The following GHR variants were observed in gnomAD, a reference collection of about 807,000 sequenced individuals.
The protein encoded by GHR is growth hormone receptor.
A neutral mutation model predicts 67.1 loss-of-function variants in GHR; 35 were observed. That is an observed-to-expected ratio of 0.52 (90% CI 0.40 to 0.69). The LOEUF (loss-of-function observed/expected upper bound fraction) is 0.69, where lower values mean the gene tolerates loss of function less well. Ranked by LOEUF, GHR falls within the 30% of genes least tolerant of loss-of-function variation. The pLI is 0.00. For synonymous variants in GHR, 272 were observed against 269.1 expected (o/e 1.01, Z -0.10); for missense variants, 792 against 764.6 (o/e 1.04, Z -0.42).
At chr5:42,550,637 T>C (rs1748978642) in intron 1 of GHR, among the ~76,000 whole-genome samples, 1 of 152,206 alleles carries the variant, frequency 6.6e-6, no homozygotes, top group African/African-American at 2.4e-5. Flanking sequence ...TTTTCCTTTT[T>C]ATCCTCTTGA....
At position 42,719,417 on chromosome 5, in the gene GHR, T is replaced by C; in HGVS notation, c.1910T>C (p.Met637Thr). 1 of 1,612,810 alleles carries C rather than the reference T, an allele frequency of 6.2e-7. No individual in the cohort carries two copies. Among genetic ancestry groups the C allele is most frequent in the Non-Finnish European group, 8.5e-7 (1 of 1,179,908 alleles). The change falls in exon 10 of 10, where the codon ATG (methionine) becomes ACG (threonine). Residue 637 changes from methionine to threonine, a missense_variant. By Grantham distance (81) the Met-to-Thr change is moderately conservative. Transcript: ENST00000230882. ...YVSTDQLNKI[M>T]P is the part of the protein sequence containing the mutation. ...AGCACAGACCAACTGAACAAAATCA[T>C]GCCTTAGCCTTTCTTTGGTTTCCCA...
chr5:42,425,048 G>A (rs1489228412), intron 1 of GHR: 2 of 982,124 alleles, frequency 2.0e-6, no homozygotes, highest in Non-Finnish European at 2.4e-6. Flanking sequence ...GGTAACGGAA[G>A]GCCAAAGTGT....
At chr5:42,603,636 C>T (rs1752486550) in intron 2 of GHR, among the ~76,000 whole-genome samples, 1 of 151,996 alleles carries the variant, frequency 6.6e-6, no homozygotes, top group Non-Finnish European at 1.5e-5. Context: ...TCTTGAATAC[C>T]TTCTGAGTAA....
chr5:42,666,240 AT>A lies in GHR; in HGVS notation c.137-22644del, dbSNP rs1561211249. ...ATGCAAGCTACATATGCCATTTTAA[AT>A]TTTTTAGTAGTTACATTTAAAAAGA... On this transcript the variant is annotated intron_variant, in intron 3 of 9. Coordinates refer to ENST00000230882, the MANE Select transcript of GHR (RefSeq NM_000163.5). Among the ~76,000 whole-genome samples the A allele has an allele frequency of 5.3e-5, 8 of 151,380 alleles. No individual in the cohort carries two copies. In the South Asian group the frequency reaches 1.7e-3, roughly 31 times the overall value.
chr5:42,524,336 C>A (rs1451296519), intron 1 of GHR, among the ~76,000 whole-genome samples: 1 of 152,096 alleles, frequency 6.6e-6, no homozygotes, highest in Admixed American at 6.5e-5. Context: ...AAATATGACT[C>A]TTGTTATGTT....
At chr5:42,494,514 GAC>G (rs1746242228) in intron 1 of GHR, among the ~76,000 whole-genome samples, 3 of 152,064 alleles carry the variant, frequency 2.0e-5, no homozygotes, top group African/African-American at 7.2e-5. Context: ...GTATCCAGAA[GAC>G]ACACCATCTA....
chr5:42,460,961 T>C (rs1000500435), intron 1 of GHR, among the ~76,000 whole-genome samples: 1 of 152,176 alleles, frequency 6.6e-6, no homozygotes, highest in Non-Finnish European at 1.5e-5. Context: ...CCCAAAGGTA[T>C]CTTAGAGTCC....
intron 2 of GHR, among the ~76,000 whole-genome samples, chr5:42,587,683 G>GT (rs953483577): frequency 6.7e-6 from 1 of 148,708 alleles, no homozygotes; most frequent in African/African-American, 2.5e-5. Flanking sequence ...TTTTTTTTTT[G>GT]TTTTTTTAAG....
chr5:42,688,757 G>T, intron 3 of GHR, 133 bp from the exon 4 acceptor site: 1 of 860,034 alleles, frequency 1.2e-6, no homozygotes, highest in Middle Eastern at 3.3e-4. Context: ...GGAAGACATC[G>T]GCATTACCTC....
chr5:42,710,806 T>C (rs753142865), intron 6 of GHR, among the ~76,000 whole-genome samples: 2 of 152,214 alleles, frequency 1.3e-5, no homozygotes, highest in Non-Finnish European at 2.9e-5. Flanking sequence ...TTTATTTTGG[T>C]GTGAAAACAT....
At chr5:42,488,966 C>G (rs1745998592) in intron 1 of GHR, among the ~76,000 whole-genome samples, 1 of 151,570 alleles carries the variant, frequency 6.6e-6, no homozygotes, top group South Asian at 2.1e-4. Flanking sequence ...CTAACCAACA[C>G]CAATCTACAC....
At chr5:42,574,549 C>G (rs1037012512) in intron 2 of GHR, among the ~76,000 whole-genome samples, 1 of 152,152 alleles carries the variant, frequency 6.6e-6, no homozygotes, top group Non-Finnish European at 1.5e-5. Flanking sequence ...GCTTGACAAA[C>G]TGATGTGTAT....
chr5:42,582,154 T>C (rs957412201), intron 2 of GHR, among the ~76,000 whole-genome samples: 1 of 152,230 alleles, frequency 6.6e-6, no homozygotes, highest in South Asian at 2.1e-4. Context: ...CCCCTTGGCA[T>C]GAACAGCCTG....
chr5:42,592,655 G>C (rs539226961), intron 2 of GHR, among the ~76,000 whole-genome samples: 1 of 152,244 alleles, frequency 6.6e-6, no homozygotes, highest in Non-Finnish European at 1.5e-5. Flanking sequence ...TCTTTATCCA[G>C]TCTACTGTCA....
intron 3 of GHR, among the ~76,000 whole-genome samples, chr5:42,656,846 C>T (rs1443330192): frequency 6.6e-6 from 1 of 152,090 alleles, no homozygotes; most frequent in African/African-American, 2.4e-5. Flanking sequence ...ATATATCTAG[C>T]TACTTATTTG....
chr5:42,703,601 TTTGA>T (rs1455337549), intron 6 of GHR, among the ~76,000 whole-genome samples: 4 of 152,044 alleles, frequency 2.6e-5, no homozygotes, highest in Non-Finnish European at 5.9e-5. Context: ...ACATTGGAAT[TTTGA>T]TAAGGATTGC....
At chr5:42,709,506 C>G (rs1758348567) in intron 6 of GHR, among the ~76,000 whole-genome samples, 1 of 151,976 alleles carries the variant, frequency 6.6e-6, no homozygotes, top group South Asian at 2.1e-4. Context: ...ATCTAGTAAA[C>G]CAATAACTTA....
intron 3 of GHR, among the ~76,000 whole-genome samples, chr5:42,666,126 G>A (rs747936740): frequency 6.8e-6 from 1 of 147,322 alleles, no homozygotes; most frequent in Non-Finnish European, 1.5e-5. Flanking sequence ...CTATTTTTAA[G>A]CCTAATGCAA....
intron 1 of GHR, among the ~76,000 whole-genome samples, chr5:42,482,643 C>G (rs1006259567): frequency 6.6e-6 from 1 of 152,160 alleles, no homozygotes; most frequent in Non-Finnish European, 1.5e-5. Context: ...GCTGTGCTAG[C>G]AATGAGCGAG....
Sources: gnomAD v4.1 joint callset for allele counts (sites outside exome capture counted in the v4.1 genomes callset) on GRCh38, gnomAD v4.1.1 for gene constraint, MANE v1.5 for transcripts, NCBI Gene and HGNC (gene_info 2026-07-23, HGNC 2026-07-21) for gene names.